The following NTRK1 variants were observed in gnomAD, a reference collection of about 807,000 sequenced individuals.
The protein encoded by NTRK1 is neurotrophic receptor tyrosine kinase 1, also known as high affinity nerve growth factor receptor.
In NTRK1, 62 loss-of-function variants were observed where a neutral mutation model predicts 86.8. The ratio of observed to expected loss-of-function variants is 0.71; its 90% CI spans 0.58 to 0.88. NTRK1 has a LOEUF of 0.88. Among genes scored for constraint, NTRK1 ranks in the 40% least tolerant of loss-of-function variants. NTRK1 has a pLI of 0.00. For missense variants in NTRK1, 967 were observed against 1,078.4 expected (o/e 0.90, Z 1.45); for synonymous variants, 469 against 456.6 (o/e 1.03, Z -0.35).
chr1:156,879,566 T>G (rs1648131963), intron 15 of NTRK1, among the ~76,000 whole-genome samples: 1 of 152,174 alleles, frequency 6.6e-6, no homozygotes, highest in African/African-American at 2.4e-5. Flanking sequence ...CACCTTCGGT[T>G]TTTGCCTCTT....
intron 2 of NTRK1, chr1:156,845,124 C>T: frequency 1.2e-6 from 2 of 1,611,306 alleles, no homozygotes; most frequent in Non-Finnish European, 1.7e-6. Context: ...CTGCAGCCCA[C>T]GGTGTGCGCC....
rs2102879214 is a variant in NTRK1 at position 156,861,041 on chromosome 1, G to A, written c.107G>A (p.Cys36Tyr). ...LILASAGAAPCPDACCPHGSS... is the reference protein window; with the variant it reads ...LILASAGAAPYPDACCPHGSS... The stretch of plus-strand genomic sequence containing the variant: ...CTGGCATCTGCGGGCGCCGCACCCT[G>A]CCCCGATGCCTGCTGCCCCCACGGC... Residue 36 changes from cysteine to tyrosine, a missense_variant, in exon 1 of 17, where the codon TGC becomes TAC. Physicochemically the swap from Cys to Tyr is radical, Grantham distance 194. Coordinates refer to ENST00000524377, the MANE Select transcript of NTRK1 (RefSeq NM_002529.4). 1 of 1,552,500 alleles carries A rather than the reference G, an allele frequency of 6.4e-7. No individual in the cohort carries two copies.
chr1:156,816,457 T>C (rs915784998), intron 1 of NTRK1, among the ~76,000 whole-genome samples: 14 of 152,172 alleles, frequency 9.2e-5, no homozygotes, highest in African/African-American at 3.1e-4. Flanking sequence ...CTCTCCTCTC[T>C]GAGAAGCCCT....
At chr1:156,852,786 C>T (rs980558699) in intron 2 of NTRK1, among the ~76,000 whole-genome samples, 2 of 152,204 alleles carry the variant, frequency 1.3e-5, no homozygotes, top group African/African-American at 4.8e-5. Flanking sequence ...TCAGCCAGGT[C>T]GTGTTGACAC....
At chr1:156,853,891 G>A (rs765539171) in intron 2 of NTRK1, 1 of 1,614,196 alleles carries the variant, frequency 6.2e-7, no homozygotes, top group Non-Finnish European at 8.5e-7. Context: ...TGCCCACGAT[G>A]TGGTTGGCGC....
chr1:156,830,943 C>T (rs1654454563), intron 1 of NTRK1, among the ~76,000 whole-genome samples: 1 of 152,200 alleles, frequency 6.6e-6, no homozygotes, highest in South Asian at 2.1e-4. Context: ...CCCCCAGAAT[C>T]CTGAAGGGAG....
intron 2 of NTRK1, chr1:156,849,543 A>G (rs1194586399): frequency 9.1e-7 from 1 of 1,094,982 alleles, no homozygotes; most frequent in African/African-American, 1.5e-5. Context: ...TTCCTCCTGG[A>G]AGGGTTTTGC....
intron 6 of NTRK1, among the ~76,000 whole-genome samples, chr1:156,869,360 G>T (rs1450875791): frequency 1.3e-5 from 2 of 152,040 alleles, no homozygotes; most frequent in Admixed American, 6.6e-5. Context: ...TTACAGGTGT[G>T]AGCCACTGTG....
chr1:156,854,092 G>C lies in NTRK1; in HGVS notation c.51-10262G>C. 6.2e-7 allele frequency: 1 copy of C among 1,614,100 alleles called. No individual in the cohort carries two copies. Among genetic ancestry groups the C allele is most frequent in the Non-Finnish European group, 8.5e-7 (1 of 1,180,042 alleles). On this transcript the variant is annotated intron_variant, in intron 2 of 16. Coordinates refer to the NTRK1 transcript ENST00000392302. This position sits in a 1 kb window ranked among gnomAD's most constrained non-coding sequence, Gnocchi z 4.2. ...GCGTCCCGCGGATGACTGCTAGGTTGGGGAAGAGGTCGCGCAGGCTCTCCA... is the reference window on the plus strand; with the variant it reads ...GCGTCCCGCGGATGACTGCTAGGTTCGGGAAGAGGTCGCGCAGGCTCTCCA...
intron 3 of NTRK1, 77 bp from the exon 4 acceptor site, chr1:156,866,833 C>G (rs1300022957): frequency 6.7e-7 from 1 of 1,484,070 alleles, no homozygotes; most frequent in African/African-American, 1.4e-5. Context: ...TTTCTTGGCT[C>G]CTCCCCTCCC....
chr1:156,839,139 T>C (rs997015040), intron 1 of NTRK1, among the ~76,000 whole-genome samples: 1 of 152,268 alleles, frequency 6.6e-6, no homozygotes, highest in African/African-American at 2.4e-5. Context: ...CAGGTGGTCC[T>C]TGCTGCCCAC....
chr1:156,839,667 T>C (rs1342640807), intron 1 of NTRK1, among the ~76,000 whole-genome samples: 1 of 152,114 alleles, frequency 6.6e-6, no homozygotes, highest in Admixed American at 6.5e-5. Context: ...CATCAGGGCC[T>C]CTCCCTTGCC....
rs964031484 is a variant in NTRK1 at position 156,869,451 on chromosome 1, G to A, written c.717+804G>A. On this transcript the variant is annotated intron_variant, in intron 6 of 16. Coordinates refer to ENST00000524377, the MANE Select transcript of NTRK1 (RefSeq NM_002529.4). ...ATCAGTTGTACTGCATCCGGGATGA[G>A]TTCTCGGGGGTATCGTGGTCTTTTT... Among the ~76,000 whole-genome samples, 51 of 152,214 alleles carry A rather than the reference G, an allele frequency of 3.4e-4. 1 individual carries two copies. The highest frequency in any genetic ancestry group is 1.2e-3 in the African/African-American group (51 of 41,532).
chr1:156,872,237 A>G (rs1449341453), intron 7 of NTRK1, among the ~76,000 whole-genome samples: 1 of 152,176 alleles, frequency 6.6e-6, no homozygotes, highest in Non-Finnish European at 1.5e-5. Context: ...CAAAAAATAT[A>G]TATATTTTAA....
At chr1:156,845,782 G>T (rs1352852885) in intron 2 of NTRK1, 1 of 1,613,118 alleles carries the variant, frequency 6.2e-7, no homozygotes, top group East Asian at 2.2e-5. Flanking sequence ...CCGTCGAAGC[G>T]CGGATCGTTG....
At chr1:156,856,917 T>C (rs190112874), upstream of NTRK1, among the ~76,000 whole-genome samples, 171 of 152,252 alleles carry the variant, frequency 1.1e-3, no homozygotes, top group African/African-American at 3.9e-3. Flanking sequence ...CTGCAGAAGA[T>C]TCAAGTCTGA....
chr1:156,867,925 G>C (rs534756904), intron 4 of NTRK1, among the ~76,000 whole-genome samples, 179 bp from the exon 5 acceptor site: 23 of 152,120 alleles, frequency 1.5e-4, no homozygotes, highest in Non-Finnish European at 1.5e-5. Flanking sequence ...CGCCCGCCTC[G>C]GCCTCCCAAT....
In NTRK1 at chr1:156,864,349, C is replaced by G. The variant is rs757323460; in HGVS notation, c.213-5C>G. On this transcript the variant is annotated splice_polypyrimidine_tract_variant and splice_region_variant and intron_variant, in intron 1 of 16. Transcript: ENST00000524377. ...CCCTGTGACTCCCATCCGCTCTCCC[C>G]ACAGCTACATCGAGAACCAGCAGCA... 5.0e-6 allele frequency: 8 copies of G among 1,614,100 alleles called. No homozygotes were observed. In the Admixed American group the frequency reaches 1.0e-4, roughly 20 times the overall value.
intron 1 of NTRK1, among the ~76,000 whole-genome samples, chr1:156,825,602 G>A (rs1257838288): frequency 6.6e-6 from 1 of 152,130 alleles, no homozygotes; most frequent in Non-Finnish European, 1.5e-5. Context: ...TCATTACCTT[G>A]TATATTCAGT....
Sources: gnomAD v4.1 joint callset for allele counts (sites outside exome capture counted in the v4.1 genomes callset) on GRCh38, gnomAD v4.1.1 for gene constraint, Gnocchi (gnomAD v3.1) non-coding constraint, MANE v1.5 for transcripts, NCBI Gene and HGNC (gene_info 2026-07-23, HGNC 2026-07-21) for gene names.